Variants in MSH6 observed in about 807,000 individuals in gnomAD.
The protein encoded by MSH6 is DNA mismatch repair protein Msh6.
MSH6 carries 85 observed loss-of-function variants against 119.1 expected under a neutral mutation model. The observed-to-expected ratio is 0.71, with a 90% CI of 0.60 to 0.85. The LOEUF (loss-of-function observed/expected upper bound fraction) is 0.85. Ranked by LOEUF, MSH6 falls within the 40% of genes least tolerant of loss-of-function variation. The probability of loss-of-function intolerance (pLI) is 0.00; values close to 1 mark genes in which losing one functional copy is unlikely to be tolerated. For missense variants in MSH6, 2,163 were observed against 1,655.3 expected (o/e 1.31, Z -5.32); for synonymous variants, 830 against 586.9 (o/e 1.41, Z -5.99).
At position 47,798,725 on chromosome 2, in the gene MSH6, C is replaced by T. The variant is rs63749980; in HGVS notation, c.742C>T (p.Arg248Ter). ...GCGAAGTAGCCGCCAAATAAAAAAACGAAGGGTCATATCAGATTCTGAGAG... is the reference window on the plus strand; with the variant it reads ...GCGAAGTAGCCGCCAAATAAAAAAATGAAGGGTCATATCAGATTCTGAGAG... ...SRRSSRQIKKRRVISDSESDI... is the reference protein window; with the variant it reads ...SRRSSRQIKK The change falls in exon 4 of 10, where the codon CGA (arginine) becomes TGA (stop). Residue 248 changes from arginine to a stop codon, truncating the protein, a stop_gained. Coordinates refer to ENST00000234420, the MANE Select transcript of MSH6 (RefSeq NM_000179.3). LOFTEE classifies it high-confidence loss of function. 1.2e-6 allele frequency: 2 copies of T among 1,614,068 alleles called. No individual in the cohort carries two copies. Among genetic ancestry groups the T allele is most frequent in the Non-Finnish European group, 1.7e-6 (2 of 1,180,020 alleles).
chr2:47,804,420 G>T (rs1370592220), intron 5 of MSH6, among the ~76,000 whole-genome samples: 1 of 152,036 alleles, frequency 6.6e-6, no homozygotes, highest in Admixed American at 6.6e-5. Context: ...CTGCTCTCCT[G>T]CATTATAGTA....
In MSH6 at chr2:47,800,782, T is replaced by C. The variant is rs761427866; in HGVS notation, c.2799T>C (p.Phe933=). 4 of 1,614,174 alleles carry C rather than the reference T, an allele frequency of 2.5e-6. 1 individual carries two copies. The South Asian group carries it at 4.4e-5, about 18-fold the overall frequency. ...GACTTATTACTCCCAAAGCAGGCTTTGACTCTGATTATGACCAAGCTCTTG... is the reference window on the plus strand; with the variant it reads ...GACTTATTACTCCCAAAGCAGGCTTCGACTCTGATTATGACCAAGCTCTTG... ...KTGLITPKAG[F]DSDYDQALAD... is the part of the protein sequence containing the mutation. Residue 933 remains phenylalanine, a synonymous_variant, in exon 4 of 10, where the codon TTT becomes TTC. Transcript: ENST00000234420.
In MSH6 at chr2:47,783,247, G is replaced by C. The variant is rs532585602; in HGVS notation, c.14G>C (p.Ser5Thr). 1 of 1,611,634 alleles carries C rather than the reference G, an allele frequency of 6.2e-7. No individual in the cohort carries two copies. The highest frequency in any genetic ancestry group is 1.3e-5 in the African/African-American group (1 of 74,784). Residue 5 changes from serine (S) to threonine (T), a missense_variant, in exon 1 of 10, where the codon AGC becomes ACC. Ser to Thr is a moderately conservative substitution (Grantham distance 58). Coordinates refer to ENST00000234420, the MANE Select transcript of MSH6 (RefSeq NM_000179.3). The stretch of plus-strand genomic sequence containing the variant: ...CCGGCTGTCGGTATGTCGCGACAGA[G>C]CACCCTGTACAGCTTCTTCCCCAAG... MSRQ[S>T]TLYSFFPKSP...
In MSH6 at chr2:47,803,696, CTTAAAGT is replaced by C. The variant is rs1669776761; in HGVS notation, c.3438+14_3438+20del. 6.2e-7 allele frequency: 1 copy of C among 1,613,684 alleles called. No homozygotes were observed. Among genetic ancestry groups the C allele is most frequent in the Non-Finnish European group, 8.5e-7 (1 of 1,179,922 alleles). On this transcript the variant is annotated intron_variant, in intron 5 of 9. Transcript: ENST00000234420. ...ACGCTTATGAGACAGGTAACTGATT[CTTAAAGT>C]TTTGTTATCAGAAAGTCATTTGTGA...
chr2:47,808,350 A>G, downstream of MSH6: 2 of 1,612,366 alleles, frequency 1.2e-6, no homozygotes, highest in Non-Finnish European at 8.5e-7. Context: ...AATAAACTCT[A>G]CATCATGTCC....
chr2:47,790,926 G>C lies in MSH6; in HGVS notation c.261-1G>C, dbSNP rs863225402. ...AGTTATGTATTTCCTTTTGGCAACAGTTGTGACTTCTCACCAGGAGATTTG... is the reference window on the plus strand; with the variant it reads ...AGTTATGTATTTCCTTTTGGCAACACTTGTGACTTCTCACCAGGAGATTTG... On this transcript the variant is annotated splice_acceptor_variant, in intron 1 of 9. Coordinates refer to ENST00000234420, the MANE Select transcript of MSH6 (RefSeq NM_000179.3). LOFTEE classifies it high-confidence loss of function. 1.2e-6 allele frequency: 2 copies of C among 1,614,090 alleles called. No individual in the cohort carries two copies. The highest frequency in any genetic ancestry group is 1.7e-6 in the Non-Finnish European group (2 of 1,180,016).
chr2:47,787,091 C>T (rs1453162714), intron 1 of MSH6, among the ~76,000 whole-genome samples: 2 of 152,120 alleles, frequency 1.3e-5, no homozygotes, highest in Non-Finnish European at 2.9e-5. Context: ...TTTGGGAGGC[C>T]AAGGCAGGCC....
intron 4 of MSH6, chr2:47,801,363 T>TG: frequency 7.4e-6 from 3 of 408,054 alleles, no homozygotes; most frequent in South Asian, 6.0e-5. Flanking sequence ...TTTCTTCAGT[T>TG]TTTTTTTTTT....
chr2:47,792,711 G>T (rs1254347473), intron 2 of MSH6, among the ~76,000 whole-genome samples: 1 of 152,058 alleles, frequency 6.6e-6, no homozygotes. Flanking sequence ...CTGTCACCCA[G>T]CCTGGAGTAT....
At position 47,798,907 on chromosome 2, in the gene MSH6, C is replaced by A. The variant is rs1669271084; in HGVS notation, c.924C>A (p.Gly308=). 1.2e-6 allele frequency: 2 copies of A among 1,614,162 alleles called. No individual in the cohort carries two copies. Among genetic ancestry groups the A allele is most frequent in the South Asian group, 2.2e-5 (2 of 91,076 alleles). The part of the protein sequence containing the change: ...RKRKRMVTGN[G]SLKRKSSRKE... The stretch of plus-strand genomic sequence containing the variant: ...GGAAGAGAATGGTGACTGGAAATGG[C>A]TCTCTTAAAAGGAAAAGCTCTAGGA... The change falls in exon 4 of 10, where the codon GGC becomes GGA. Residue 308 remains glycine (G), a synonymous_variant. Coordinates refer to ENST00000234420, the MANE Select transcript of MSH6 (RefSeq NM_000179.3).
chr2:47,804,152 C>G (rs1295271177), intron 5 of MSH6, among the ~76,000 whole-genome samples: 1 of 151,656 alleles, frequency 6.6e-6, no homozygotes, highest in Non-Finnish European at 1.5e-5. Context: ...TTGTTGTTGC[C>G]AAGGCTGAAG....
intron 2 of MSH6, among the ~76,000 whole-genome samples, 162 bp downstream of exon 2, chr2:47,791,285 G>T (rs754251497): frequency 4.6e-5 from 7 of 152,120 alleles, no homozygotes; most frequent in Non-Finnish European, 8.8e-5. Flanking sequence ...GCATGGGAAA[G>T]GGATGTAACA....
At chr2:47,802,344 T>A (rs562319876) in intron 4 of MSH6, among the ~76,000 whole-genome samples, 60 of 152,328 alleles carry the variant, frequency 3.9e-4, no homozygotes, top group African/African-American at 1.0e-3. Context: ...ATATTTTTTT[T>A]AATTTTTTAG....
In MSH6 at chr2:47,799,481, G is replaced by A. The variant is rs786204127; in HGVS notation, c.1498G>A (p.Ala500Thr). 10 of 1,614,022 alleles carry A rather than the reference G, an allele frequency of 6.2e-6. No individual in the cohort carries two copies. The African/African-American group carries it at 1.3e-4, about 22-fold the overall frequency. ...GATGGAGGCACGATGTAGAAAGATG[G>A]CACATATATCCAAGTATGATAGAGT... is the stretch of plus-strand genomic sequence containing the variant. ...EMMEARCRKM[A>T]HISKYDRVVR... The change falls in exon 4 of 10, where the codon GCA becomes ACA. Residue 500 changes from alanine to threonine, a missense_variant. Transcript: ENST00000234420.
Position 47,800,910 on chromosome 2 carries a change from G to A in MSH6, c.2927G>A (p.Arg976His), listed in dbSNP as rs63751113. Residue 976 changes from arginine to histidine, a missense_variant, in exon 4 of 10, where the codon CGT (arginine) becomes CAT (histidine). Physicochemically the swap from Arg to His is conservative, Grantham distance 29. Transcript: ENST00000234420. ...TIVYWGIGRN[R>H]YQLEIPENFT... Reference sequence around the variant, plus strand: ...GTCTATTGGGGGATTGGTAGGAACCGTTACCAGCTGGAAATTCCTGAGAAT... The same window carrying A: ...GTCTATTGGGGGATTGGTAGGAACCATTACCAGCTGGAAATTCCTGAGAAT... 4 of 1,583,612 alleles carry A rather than the reference G, an allele frequency of 2.5e-6. No homozygotes were observed. The highest frequency in any genetic ancestry group is 3.4e-6 in the Non-Finnish European group (4 of 1,166,724).
chr2:47,805,052 G>T (rs1301900076), intron 6 of MSH6, 25 bp downstream of exon 6: 2 of 1,460,992 alleles, frequency 1.4e-6, no homozygotes, highest in South Asian at 2.3e-5. Context: ...TCCCACTTAA[G>T]TTCTCATTCA....
chr2:47,800,339 T>A lies in MSH6; in HGVS notation c.2356T>A (p.Tyr786Asn), dbSNP rs773193199. The A allele has an allele frequency of 6.2e-7, 1 of 1,614,106 alleles. No individual in the cohort carries two copies. Among genetic ancestry groups the A allele is most frequent in the Non-Finnish European group, 8.5e-7 (1 of 1,180,022 alleles). Residue 786 changes from tyrosine (Y) to asparagine (N), a missense_variant, in exon 4 of 10, where the codon TAT becomes AAT. By Grantham distance (143) the Tyr-to-Asn change is moderately radical. Coordinates refer to ENST00000234420, the MANE Select transcript of MSH6 (RefSeq NM_000179.3). ...QWLCAPLCNH[Y>N]AINDRLDAIE... ...GCTTTGTGCCCCACTCTGTAACCAT[T>A]ATGCTATTAATGATCGTCTAGATGC...
chr2:47,810,085 A>G (rs1002046954), downstream of MSH6: 28 of 502,372 alleles, frequency 5.6e-5, no homozygotes, highest in South Asian at 2.0e-4. Flanking sequence ...ATCCCAATAA[A>G]TGTTTCATAA....
At chr2:47,795,023 G>C (rs947813317) in intron 2 of MSH6, among the ~76,000 whole-genome samples, 4 of 152,052 alleles carry the variant, frequency 2.6e-5, no homozygotes, top group African/African-American at 9.7e-5. Flanking sequence ...TTGAACTCCT[G>C]ACCTCGTGAT....
Sources: allele counts gnomAD v4.1 joint callset (sites outside exome capture counted in the v4.1 genomes callset), GRCh38; gene constraint gnomAD v4.1.1; transcripts MANE v1.5; gene names NCBI Gene and HGNC (gene_info 2026-07-23, HGNC 2026-07-21).